Variants in STAB2 observed in about 807,000 individuals in gnomAD.
STAB2 encodes the protein stabilin-2.
STAB2 carries 288 observed loss-of-function variants against 338.1 expected under a neutral mutation model. The observed-to-expected ratio is 0.85, with a 90% CI of 0.77 to 0.94. The LOEUF is 0.94. STAB2 is among the 40% of genes least tolerant of loss of function. STAB2 has a pLI of 0.00. For synonymous variants in STAB2, 1,202 were observed against 1,193.3 expected, an observed-to-expected ratio of 1.01 and a Z score of -0.15; for missense variants, 3,141 against 3,210.1, an observed-to-expected ratio of 0.98 and a Z score of 0.52.
intron 65 of STAB2, among the ~76,000 whole-genome samples, chr12:103,760,688 T>A (rs1038540946): frequency 2.6e-5 from 4 of 152,182 alleles, no homozygotes. Flanking sequence ...GGATTCAGGT[T>A]CTGAGACATG....
intron 22 of STAB2, among the ~76,000 whole-genome samples, chr12:103,672,461 C>T (rs940859277): frequency 2.0e-5 from 3 of 152,160 alleles, no homozygotes; most frequent in African/African-American, 7.2e-5. Flanking sequence ...ACAGGGGTCT[C>T]GTACCTTGCA....
rs1882044422 is a variant in STAB2 at position 103,735,541 on chromosome 12, T to G, written c.5511T>G (p.Gly1837=). The change falls in exon 52 of 69, where the codon GGT becomes GGG. Residue 1837 remains glycine (G), a synonymous_variant. Coordinates refer to ENST00000388887, the MANE Select transcript of STAB2 (RefSeq NM_017564.10). The part of the protein sequence containing the change: ...PTSTAWKTLQ[G]SELSVKCGAG... ...CCACTGCCTGGAAGACCCTGCAAGG[T>G]TCAGAGCTGAGTGTGAAATGTGGAG... 1 of 1,612,252 alleles carries G rather than the reference T, an allele frequency of 6.2e-7. No individual in the cohort carries two copies. Among genetic ancestry groups the G allele is most frequent in the African/African-American group, 1.3e-5 (1 of 74,844 alleles).
intron 3 of STAB2, among the ~76,000 whole-genome samples, chr12:103,606,618 T>A (rs757949449): frequency 3.9e-5 from 6 of 152,206 alleles, no homozygotes; most frequent in Admixed American, 6.5e-5. Context: ...GTATATAGAA[T>A]TTTAAGTTGA....
At chr12:103,730,639 C>T (rs1881560876) in intron 49 of STAB2, among the ~76,000 whole-genome samples, 1 of 152,090 alleles carries the variant, frequency 6.6e-6, no homozygotes, top group Non-Finnish European at 1.5e-5. Flanking sequence ...ATCCACTACA[C>T]TTAGACAAAA....
intron 67 of STAB2, chr12:103,763,271 G>T (rs370223907): frequency 7.2e-6 from 4 of 557,874 alleles, no homozygotes; most frequent in Non-Finnish European, 9.7e-6. Context: ...CCTATGTGCC[G>T]ATTTGGTGGT....
At chr12:103,590,786 C>T (rs906633334) in intron 1 of STAB2, 111 bp from the exon 2 acceptor site, 26 of 1,279,814 alleles carry the variant, frequency 2.0e-5, no homozygotes, top group African/African-American at 1.0e-4. Context: ...CCATCCCTGA[C>T]GTTCCATTGA....
intron 5 of STAB2, 51 bp downstream of exon 5, chr12:103,622,162 T>C (rs1439855187): frequency 1.5e-5 from 24 of 1,575,186 alleles, no homozygotes; most frequent in Non-Finnish European, 2.0e-5. Context: ...TGACAGTCCA[T>C]GAGAAAGATT....
intron 42 of STAB2, among the ~76,000 whole-genome samples, 161 bp downstream of exon 42, chr12:103,713,929 G>A (rs1481002358): frequency 6.6e-6 from 1 of 152,238 alleles, no homozygotes; most frequent in Non-Finnish European, 1.5e-5. Context: ...TGACCACAGG[G>A]TATGAAGGCA....
chr12:103,763,501 G>T lies in STAB2; in HGVS notation c.7498G>T (p.Asp2500Tyr), dbSNP rs377436631. Reference protein sequence around the residue: ...IGFQHFESEEDINVAALGKQQ... With the variant: ...IGFQHFESEEYINVAALGKQQ... ...TTGTCTTTCCAAACAGTCGGAAGAG[G>T]ACATTAATGTTGCAGCTCTTGGCAA... Residue 2500 changes from aspartate to tyrosine, a missense_variant, in exon 68 of 69, where the codon GAC (aspartate) becomes TAC (tyrosine). Asp to Tyr is a radical substitution (Grantham distance 160). Coordinates refer to ENST00000388887, the MANE Select transcript of STAB2 (RefSeq NM_017564.10). The T allele has an allele frequency of 7.4e-6, 12 of 1,613,958 alleles. No individual in the cohort carries two copies. Among genetic ancestry groups the T allele is most frequent in the Non-Finnish European group, 1.0e-5 (12 of 1,179,974 alleles).
At chr12:103,647,081 C>T (rs564915412) in intron 9 of STAB2, among the ~76,000 whole-genome samples, 1 of 152,210 alleles carries the variant, frequency 6.6e-6, no homozygotes, top group Non-Finnish European at 1.5e-5. Context: ...CCTGTGTACA[C>T]TTTCTCATGT....
intron 12 of STAB2, among the ~76,000 whole-genome samples, chr12:103,653,604 C>CTGGATGGCTGGA (rs1555232200): frequency 8.1e-6 from 1 of 123,544 alleles, no homozygotes; most frequent in Non-Finnish European, 1.7e-5. Flanking sequence ...GGATAGGTCA[C>CTGGATGGCTGGA]TGGATGGATG....
At chr12:103,598,748 C>A (rs1469054274) in intron 3 of STAB2, among the ~76,000 whole-genome samples, 6 of 152,200 alleles carry the variant, frequency 3.9e-5, no homozygotes, top group Non-Finnish European at 7.3e-5. Flanking sequence ...ATTCCTGCTA[C>A]CTTTTCTCCC....
chr12:103,677,735 T>A, intron 25 of STAB2, 124 bp downstream of exon 25: 2 of 1,245,826 alleles, frequency 1.6e-6, no homozygotes, highest in Non-Finnish European at 2.2e-6. Context: ...TTCGTGGCAG[T>A]GAACATGGGT....
rs1875111794 is a variant in STAB2 at position 103,666,454 on chromosome 12, A to C, written c.2085+101A>C. ...TCCTTCTTTAGAAGATATTAATTGCAGCTGGGGTAATATAAGATGGGCTCG... is the reference window on the plus strand; with the variant it reads ...TCCTTCTTTAGAAGATATTAATTGCCGCTGGGGTAATATAAGATGGGCTCG... On this transcript the variant is annotated intron_variant, in intron 19 of 68. Coordinates refer to ENST00000388887, the MANE Select transcript of STAB2 (RefSeq NM_017564.10). The C allele has an allele frequency of 2.1e-5, 26 of 1,248,174 alleles. No homozygotes were observed. In the South Asian group the frequency reaches 3.0e-4, roughly 14 times the overall value. 77.3% of individuals were successfully genotyped at this position (1,248,174 alleles called of 1,614,324 possible).
At chr12:103,620,312 C>G (rs1450340205) in intron 3 of STAB2, among the ~76,000 whole-genome samples, 156 bp from the exon 4 acceptor site, 2 of 112,632 alleles carry the variant, frequency 1.8e-5, no homozygotes, top group Non-Finnish European at 4.1e-5. Context: ...TGTGTTTACT[C>G]CTGCCTTTTC....
intron 30 of STAB2, among the ~76,000 whole-genome samples, chr12:103,692,071 G>A (rs1033305674): frequency 2.0e-5 from 3 of 152,216 alleles, no homozygotes; most frequent in African/African-American, 7.2e-5. Context: ...TTAAACAACA[G>A]GCATTTATTT....
chr12:103,722,100 G>A (rs547238034), intron 44 of STAB2, among the ~76,000 whole-genome samples: 6 of 152,206 alleles, frequency 3.9e-5, no homozygotes, highest in Admixed American at 1.3e-4. Flanking sequence ...CAAACATAGC[G>A]GTCATTGGCA....
rs112338826 is a variant in STAB2 at position 103,742,265 on chromosome 12, G to T, written c.5882-140G>T. On this transcript the variant is annotated intron_variant, in intron 55 of 68. Transcript: ENST00000388887. ...AGTTCATGTCCCATAGGCCAGTGAC[G>T]TGCCTTAAATATCCACTGACACTGA... 175 of 1,072,230 alleles carry T rather than the reference G, an allele frequency of 1.6e-4. No homozygotes were observed. In the African/African-American group the frequency reaches 2.3e-3, roughly 14 times the overall value. The allele number at this position is 1,072,230 out of a possible 1,614,324, so 66.4% of individuals were successfully genotyped here. A position where few individuals can be genotyped will look rare whatever the true frequency, so the allele number is the denominator to read the frequency against.
chr12:103,617,021 C>T (rs923081075), intron 3 of STAB2, among the ~76,000 whole-genome samples: 18 of 152,180 alleles, frequency 1.2e-4, no homozygotes, highest in African/African-American at 2.7e-4. Flanking sequence ...AAATCTTTAA[C>T]AAGGCCCTTT....
Sources: gnomAD v4.1 joint callset for allele counts (sites outside exome capture counted in the v4.1 genomes callset) on GRCh38, gnomAD v4.1.1 for gene constraint, MANE v1.5 for transcripts, NCBI Gene and HGNC (gene_info 2026-07-23, HGNC 2026-07-21) for gene names.